Variants in ELMO1 observed in about 807,000 individuals in gnomAD.
The protein encoded by ELMO1 is engulfment and cell motility 1.
A neutral mutation model predicts 98.9 loss-of-function variants in ELMO1; 26 were observed. That is an observed-to-expected ratio of 0.26 (90% CI 0.19 to 0.36). The LOEUF is 0.36. Ranked by LOEUF, ELMO1 falls within the 10% of genes least tolerant of loss-of-function variation. The probability of loss-of-function intolerance (pLI) is 1.00; values close to 1 mark genes in which losing one functional copy is unlikely to be tolerated. For missense variants in ELMO1, 627 were observed against 935.2 expected, an observed-to-expected ratio of 0.67 and a Z score of 4.30; for synonymous variants, 346 against 346.0, an observed-to-expected ratio of 1.00 and a Z score of 0.00.
At chr7:37,283,438 A>C (rs1332297903) in intron 4 of ELMO1, among the ~76,000 whole-genome samples, 1 of 152,370 alleles carries the variant, frequency 6.6e-6, no homozygotes, top group South Asian at 2.1e-4. Context: ...TGGGGACTAA[A>C]AGCTCAGGGT....
At chr7:37,219,656 C>T (rs1182728104) in intron 10 of ELMO1, among the ~76,000 whole-genome samples, 2 of 152,118 alleles carry the variant, frequency 1.3e-5, no homozygotes, top group Non-Finnish European at 2.9e-5. Flanking sequence ...CTCTGACAGG[C>T]GTTGGATGGG....
chr7:36,932,040 T>C (rs1226307799), intron 16 of ELMO1, among the ~76,000 whole-genome samples: 1 of 152,168 alleles, frequency 6.6e-6, no homozygotes, highest in African/African-American at 2.4e-5. Flanking sequence ...CATGCTGAGG[T>C]GTAAGATGAT....
chr7:36,931,793 C>T (rs747288164), intron 16 of ELMO1, among the ~76,000 whole-genome samples: 2 of 152,146 alleles, frequency 1.3e-5, no homozygotes, highest in African/African-American at 4.8e-5. Context: ...CTTGGGCACA[C>T]GTGGAGGGAG....
chr7:37,416,190 G>A (rs927171134), intron 1 of ELMO1, among the ~76,000 whole-genome samples: 1 of 152,130 alleles, frequency 6.6e-6, no homozygotes, highest in Non-Finnish European at 1.5e-5. Flanking sequence ...TCCTAAATCA[G>A]ATATGCCACC....
At chr7:37,395,022 G>T (rs530586953) in intron 1 of ELMO1, among the ~76,000 whole-genome samples, 4 of 152,186 alleles carry the variant, frequency 2.6e-5, no homozygotes, top group Middle Eastern at 3.4e-3. Context: ...GCATAGCTGG[G>T]AGTAGTTTTG....
intron 16 of ELMO1, among the ~76,000 whole-genome samples, chr7:36,966,444 T>C (rs117633055): frequency 0.034 from 5,178 of 152,340 alleles, 119 homozygotes; most frequent in Middle Eastern, 0.11. Context: ...CAAATAATGC[T>C]GTTTCACGTG....
At chr7:37,319,069 T>C (rs1234507581) in intron 2 of ELMO1, among the ~76,000 whole-genome samples, 1 of 152,216 alleles carries the variant, frequency 6.6e-6, no homozygotes, top group African/African-American at 2.4e-5. Flanking sequence ...CAGTTCCTCA[T>C]GGATCTCATT....
At chr7:37,350,033 C>T (rs977725402) in intron 1 of ELMO1, among the ~76,000 whole-genome samples, 1 of 152,100 alleles carries the variant, frequency 6.6e-6, no homozygotes, top group Non-Finnish European at 1.5e-5. Flanking sequence ...GGGCACATGT[C>T]CCCCCACCTG....
chr7:37,110,539 T>C (rs183940516), intron 14 of ELMO1, among the ~76,000 whole-genome samples: 120 of 152,360 alleles, frequency 7.9e-4, no homozygotes, highest in Non-Finnish European at 1.3e-3. Context: ...GTAACAAACC[T>C]GCATGTTCTG....
Position 37,342,518 on chromosome 7 carries a change from G to C in ELMO1, c.78+95C>G. On this transcript the variant is annotated intron_variant, in intron 2 of 21. Coordinates refer to ENST00000310758, the MANE Select transcript of ELMO1 (RefSeq NM_014800.11). The surrounding 1 kb of genome is among the most constrained non-coding windows in gnomAD (Gnocchi z 4.3). ...ACAGATTTTTCAACACAGCTAGAGA[G>C]AGAAAGGGAGAAGAGTGAGCTATCC... 8.0e-7 allele frequency: 1 copy of C among 1,251,730 alleles called. No homozygotes were observed. Among genetic ancestry groups the C allele is most frequent in the Non-Finnish European group, 1.2e-6 (1 of 852,856 alleles). 77.5% of individuals were successfully genotyped at this position (1,251,730 alleles called of 1,614,324 possible).
Position 36,894,982 on chromosome 7 carries a change from T to C in ELMO1, c.1473A>G (p.Ala491=), listed in dbSNP as rs192804513. 3.1e-6 allele frequency: 5 copies of C among 1,613,844 alleles called. No homozygotes were observed. The highest frequency in any genetic ancestry group is 1.7e-5 in the Admixed American group (1 of 60,002). Residue 491 remains alanine, a synonymous_variant, in exon 17 of 22, where the codon GCA becomes GCG. Transcript: ENST00000310758. ...MQVVKEQVMR[A]LTTKPSSLDQ... ...CCAGGGAGCTAGGCTTGGTTGTAAG[T>C]GCTCTCATAACCTGCTCCTTCACCA...
chr7:37,247,733 G>C (rs1795086728), intron 6 of ELMO1, among the ~76,000 whole-genome samples: 1 of 152,110 alleles, frequency 6.6e-6, no homozygotes, highest in African/African-American at 2.4e-5. Flanking sequence ...GGAGGAGACG[G>C]GCCACCTGGG....
At chr7:37,053,449 T>A (rs571246740) in intron 15 of ELMO1, among the ~76,000 whole-genome samples, 1 of 152,204 alleles carries the variant, frequency 6.6e-6, no homozygotes, top group Non-Finnish European at 1.5e-5. Flanking sequence ...TTGATGATTA[T>A]TGAAATACTT....
intron 1 of ELMO1, among the ~76,000 whole-genome samples, chr7:37,441,421 T>C (rs552316679): frequency 5.3e-5 from 8 of 152,352 alleles, no homozygotes; most frequent in African/African-American, 1.7e-4. Flanking sequence ...CATAAAGCAG[T>C]ACCTTGAAGG....
intron 15 of ELMO1, among the ~76,000 whole-genome samples, chr7:37,022,449 T>G (rs1248737482): frequency 6.6e-6 from 1 of 152,146 alleles, no homozygotes; most frequent in African/African-American, 2.4e-5. Context: ...AAATAGGACA[T>G]ATAAGTGGCC....
At chr7:36,985,201 C>A in intron 16 of ELMO1, 1 of 795,536 alleles carries the variant, frequency 1.3e-6, no homozygotes, top group Non-Finnish European at 1.5e-6. Context: ...GAGAGCCAAT[C>A]CTTGAATATA....
chr7:36,939,194 C>G (rs1230032091), intron 16 of ELMO1, among the ~76,000 whole-genome samples: 1 of 150,718 alleles, frequency 6.6e-6, no homozygotes, highest in East Asian at 1.9e-4. Context: ...ATCTCCTAGC[C>G]ACAGCATACA....
intron 15 of ELMO1, among the ~76,000 whole-genome samples, chr7:37,031,163 G>C (rs1236019007): frequency 6.6e-6 from 1 of 152,020 alleles, no homozygotes; most frequent in Non-Finnish European, 1.5e-5. Flanking sequence ...CCCAGTCTCG[G>C]GACAGATCCA....
At chr7:37,200,691 C>A (rs749007120) in intron 13 of ELMO1, among the ~76,000 whole-genome samples, 1 of 152,240 alleles carries the variant, frequency 6.6e-6, no homozygotes, top group Admixed American at 6.5e-5. Flanking sequence ...TATGGCCAGG[C>A]GCCATGGCTC....
Sources: allele counts gnomAD v4.1 joint callset (sites outside exome capture counted in the v4.1 genomes callset), GRCh38; gene constraint gnomAD v4.1.1; non-coding constraint Gnocchi (gnomAD v3.1); transcripts MANE v1.5; gene names NCBI Gene and HGNC (gene_info 2026-07-23, HGNC 2026-07-21).